RELN: variants seen among roughly 807,000 people sequenced by gnomAD.
RELN encodes reelin.
Under a neutral mutation model 427.6 loss-of-function variants are expected in RELN, and 108 were observed. That is an observed-to-expected ratio of 0.25 (90% CI 0.22 to 0.30). The LOEUF (loss-of-function observed/expected upper bound fraction) is 0.30, where lower values mean the gene tolerates loss of function less well. Ranked by LOEUF, RELN falls within the 10% of genes least tolerant of loss-of-function variation. The pLI, the probability that RELN is intolerant of heterozygous loss-of-function variation, is 1.00. For synonymous variants in RELN, 1,524 were observed against 1,513.4 expected (o/e 1.01, Z -0.16); for missense variants, 3,715 against 4,302.8 (o/e 0.86, Z 3.82).
chr7:103,889,177 C>T (rs182631576), intron 2 of RELN, among the ~76,000 whole-genome samples: 1 of 152,188 alleles, frequency 6.6e-6, no homozygotes, highest in East Asian at 1.9e-4. Flanking sequence ...ACCCTAAGAT[C>T]CCAGACTGCT....
Position 103,943,653 on chromosome 7 carries a change from C to T in RELN, c.227-26468G>A, listed in dbSNP as rs150686800. On this transcript the variant is annotated intron_variant, in intron 1 of 64. Coordinates refer to ENST00000428762, the MANE Select transcript of RELN (RefSeq NM_005045.4). Reference sequence around the variant, plus strand: ...ATCACTTGAGGTCAGGACTTTGAGACCAGCTTGGCCAACATGGTGAAACCC... The same window carrying T: ...ATCACTTGAGGTCAGGACTTTGAGATCAGCTTGGCCAACATGGTGAAACCC... Among the ~76,000 whole-genome samples the T allele has an allele frequency of 6.4e-3, 965 of 151,934 alleles. 7 individuals carry two copies. The highest frequency in any genetic ancestry group is 0.011 in the Non-Finnish European group (716 of 67,952).
chr7:103,865,826 T>C (rs768776660), intron 2 of RELN, among the ~76,000 whole-genome samples: 1 of 152,180 alleles, frequency 6.6e-6, no homozygotes, highest in Non-Finnish European at 1.5e-5. Flanking sequence ...GCTTTTGCTC[T>C]AAGATCGGGA....
At position 103,630,153 on chromosome 7, in the gene RELN, C is replaced by G. The variant is rs1268532283; in HGVS notation, c.2489G>C (p.Gly830Ala). The G allele has an allele frequency of 6.2e-7, 1 of 1,611,798 alleles. No individual in the cohort carries two copies. Among genetic ancestry groups the G allele is most frequent in the Admixed American group, 1.7e-5 (1 of 59,950 alleles). ...CTGAATTCCAAACTGCTTTGCATCA[C>G]CTGGTAGTTCTACGGAGATTATTCT... The part of the protein sequence containing the change: ...EPRIISVELP[G>A]DAKQFGIQFR... The change falls in exon 20 of 65, where the codon GGT (glycine) becomes GCT (alanine). Residue 830 changes from glycine (G) to alanine (A), a missense_variant. Physicochemically the swap from Gly to Ala is moderately conservative, Grantham distance 60. Coordinates refer to ENST00000428762, the MANE Select transcript of RELN (RefSeq NM_005045.4).
chr7:103,914,259 A>G (rs1383668315), intron 2 of RELN, among the ~76,000 whole-genome samples: 2 of 152,110 alleles, frequency 1.3e-5, no homozygotes, highest in Admixed American at 6.6e-5. Context: ...TGTGCTTACA[A>G]CACACTTAGG....
chr7:103,835,584 A>G (rs917127476), intron 2 of RELN, among the ~76,000 whole-genome samples: 1 of 152,096 alleles, frequency 6.6e-6, no homozygotes, highest in East Asian at 1.9e-4. Flanking sequence ...TTTTTATTCA[A>G]TTTTGCTGTG....
chr7:103,735,092 T>C (rs945067715), intron 6 of RELN, among the ~76,000 whole-genome samples: 1 of 152,084 alleles, frequency 6.6e-6, no homozygotes, highest in Non-Finnish European at 1.5e-5. Context: ...CATAAAAGAA[T>C]CAGTAAATAT....
In RELN at chr7:103,636,384, G is replaced by A; in HGVS notation, c.2154C>T (p.Ser718=). 2 of 1,613,938 alleles carry A rather than the reference G, an allele frequency of 1.2e-6. No homozygotes were observed. Among genetic ancestry groups the A allele is most frequent in the Non-Finnish European group, 1.7e-6 (2 of 1,179,902 alleles). The part of the protein sequence containing the change: ...PMFISESFGS[S]RLSSYHNFYS... ...AAAAGTTATGGTAAGAGGAGAGCCT[G>A]GAACTGCCAAAGCTTTCAGAAATAA... Residue 718 remains serine (S), a synonymous_variant, in exon 18 of 65, where the codon TCC becomes TCT. Transcript: ENST00000428762.
chr7:103,818,615 C>T (rs1003235552), intron 3 of RELN, among the ~76,000 whole-genome samples: 3 of 152,054 alleles, frequency 2.0e-5, no homozygotes, highest in East Asian at 3.8e-4. Context: ...AACATACTTT[C>T]GTAATGAAAA....
Position 103,726,502 on chromosome 7 carries a change from C to T in RELN, c.753+1609G>A, listed in dbSNP as rs902568534. Among the ~76,000 whole-genome samples, 3 of 152,020 alleles carry T rather than the reference C, an allele frequency of 2.0e-5. No homozygotes were observed. The South Asian group carries it at 6.2e-4, about 32-fold the overall frequency. Reference sequence around the variant, plus strand: ...TATAAAACACAATTCAAAATTAGCCCACTGAATATATCAACTCTAATGCTA... The same window carrying T: ...TATAAAACACAATTCAAAATTAGCCTACTGAATATATCAACTCTAATGCTA... On this transcript the variant is annotated intron_variant, in intron 7 of 64. Transcript: ENST00000428762.
chr7:103,489,050 G>GCCTGT (rs1562845745), intron 60 of RELN, among the ~76,000 whole-genome samples: 1 of 152,170 alleles, frequency 6.6e-6, no homozygotes, highest in African/African-American at 2.4e-5. Flanking sequence ...TAGAAACATT[G>GCCTGT]GATCAAAGGA....
chr7:103,622,520 C>T (rs995010686), intron 20 of RELN, among the ~76,000 whole-genome samples: 2 of 152,190 alleles, frequency 1.3e-5, no homozygotes, highest in East Asian at 1.9e-4. Flanking sequence ...AAATTATTTG[C>T]TGGATTCCTG....
intron 1 of RELN, among the ~76,000 whole-genome samples, chr7:103,935,310 A>G (rs2116719461): frequency 6.6e-6 from 1 of 152,286 alleles, no homozygotes; most frequent in African/African-American, 2.4e-5. Context: ...AACAGCTCTC[A>G]CTAACGTCAC....
At position 103,515,488 on chromosome 7, in the gene RELN, AT is replaced by A. The variant is rs773534400; in HGVS notation, c.7863-48del. ...GGGTGTGGGGAAGAACCCTTGTCAA[AT>A]ATCTTCTCTGAGTAAAAGATTTACA... On this transcript the variant is annotated intron_variant, in intron 49 of 64. Coordinates refer to ENST00000428762, the MANE Select transcript of RELN (RefSeq NM_005045.4). 4 of 1,581,614 alleles carry A rather than the reference AT, an allele frequency of 2.5e-6. No individual in the cohort carries two copies. In the African/African-American group the frequency reaches 5.3e-5, roughly 21 times the overall value.
chr7:103,666,579 T>C (rs538298011), intron 11 of RELN, among the ~76,000 whole-genome samples: 2 of 152,352 alleles, frequency 1.3e-5, no homozygotes, highest in South Asian at 4.1e-4. Context: ...ATCATAATTC[T>C]TGTTGTGAGC....
intron 62 of RELN, 98 bp downstream of exon 62, chr7:103,483,555 C>T: frequency 8.2e-7 from 1 of 1,220,568 alleles, no homozygotes; most frequent in Non-Finnish European, 1.2e-6. Flanking sequence ...GGCATTGGTG[C>T]ATTAACTTTA....
At chr7:103,979,823 T>C (rs1357717391) in intron 1 of RELN, among the ~76,000 whole-genome samples, 1 of 152,232 alleles carries the variant, frequency 6.6e-6, no homozygotes, top group African/African-American at 2.4e-5. Context: ...ATTCAAATCC[T>C]ATATAAGTTC....
chr7:103,583,797 T>C (rs1303891864), intron 28 of RELN, among the ~76,000 whole-genome samples: 1 of 152,060 alleles, frequency 6.6e-6, no homozygotes, highest in Admixed American at 6.5e-5. Flanking sequence ...GCGTCAGCAG[T>C]CCACCTCCCT....
chr7:103,952,475 T>C (rs1796351241), intron 1 of RELN, among the ~76,000 whole-genome samples: 1 of 152,190 alleles, frequency 6.6e-6, no homozygotes, highest in Non-Finnish European at 1.5e-5. Flanking sequence ...CTAAAATGTT[T>C]ATGTCTCCTG....
At chr7:103,506,911 A>T (rs759728430) in intron 51 of RELN, among the ~76,000 whole-genome samples, 15 of 152,232 alleles carry the variant, frequency 9.9e-5, no homozygotes, top group Admixed American at 2.0e-4. Flanking sequence ...CAGACTTTAA[A>T]CCAACAAAGG....
Sources: gnomAD v4.1 joint callset for allele counts (sites outside exome capture counted in the v4.1 genomes callset) on GRCh38, gnomAD v4.1.1 for gene constraint, MANE v1.5 for transcripts, NCBI Gene and HGNC (gene_info 2026-07-23, HGNC 2026-07-21) for gene names.